GSPT1: variants seen among roughly 807,000 people sequenced by gnomAD.
The protein encoded by GSPT1 is G1 to S phase transition 1.
In GSPT1, 20 loss-of-function variants were observed where a neutral mutation model predicts 72.5. The ratio of observed to expected loss-of-function variants is 0.28; its 90% CI spans 0.19 to 0.40. GSPT1 has a LOEUF of 0.40. Among genes scored for constraint, GSPT1 ranks in the 10% least tolerant of loss-of-function variants. GSPT1 has a pLI of 1.00. For synonymous variants in GSPT1, 334 were observed against 293.5 expected, an observed-to-expected ratio of 1.14 and a Z score of -1.41; for missense variants, 580 against 811.9, an observed-to-expected ratio of 0.71 and a Z score of 3.47.
In GSPT1 at chr16:11,902,680, TG is replaced by T. The variant is rs138047601; in HGVS notation, c.353-4646del. Among the ~76,000 whole-genome samples the T allele has an allele frequency of 8.9e-3, 1,353 of 151,760 alleles. 17 individuals carry two copies. Among genetic ancestry groups the T allele is most frequent in the South Asian group, 0.024 (115 of 4,796 alleles). On this transcript the variant is annotated intron_variant, in intron 1 of 14. Transcript: ENST00000434724. ...TCGGCTCACTGCAACCTCCACCTCCTGGGTTCAAGCGATTCTCCTGCTTTAA... is the reference window on the plus strand; with the variant it reads ...TCGGCTCACTGCAACCTCCACCTCCTGGTTCAAGCGATTCTCCTGCTTTAA...
intron 1 of GSPT1, among the ~76,000 whole-genome samples, chr16:11,912,074 C>T (rs377722411): frequency 3.9e-5 from 3 of 76,822 alleles, no homozygotes; most frequent in Admixed American, 2.5e-4. Flanking sequence ...AGGCCAGGCG[C>T]GGTCACACCT....
chr16:11,881,685 C>G (rs1023371305), intron 11 of GSPT1: 1 of 49,820 alleles, frequency 2.0e-5, no homozygotes, highest in African/African-American at 5.6e-5. Flanking sequence ...GTAAAGGTCT[C>G]GTTCTGTTGC....
Position 11,915,871 on chromosome 16 carries a change from A to G in GSPT1, c.-151T>C. On this transcript the variant is annotated 5_prime_UTR_variant, in exon 1 of 15. Transcript: ENST00000434724. ...CAAAGATCCCCGGCGTCGCCGCGGC[A>G]GCAGCTCCAGTCCCGACTCCACACT... 8.5e-7 allele frequency: 1 copy of G among 1,180,694 alleles called. No homozygotes were observed. 73.1% of individuals were successfully genotyped at this position (1,180,694 alleles called of 1,614,324 possible).
At position 11,891,153 on chromosome 16, in the gene GSPT1, A is replaced by C. The variant is rs538819525; in HGVS notation, c.699-14T>G. On this transcript the variant is annotated splice_polypyrimidine_tract_variant and intron_variant, in intron 5 of 14. Coordinates refer to ENST00000434724, the MANE Select transcript of GSPT1 (RefSeq NM_002094.4). ...CCAGTCAAATACCTGAAAACATTTA[A>C]AGAAAAAAAAAAGTAAACAATTACT... 7.4e-7 allele frequency: 1 copy of C among 1,354,940 alleles called. No individual in the cohort carries two copies. The highest frequency in any genetic ancestry group is 1.4e-5 in the South Asian group (1 of 73,348). 83.9% of individuals were successfully genotyped at this position (1,354,940 alleles called of 1,614,324 possible). A position where few individuals can be genotyped will look rare whatever the true frequency, so the allele number is the denominator to read the frequency against.
chr16:11,892,040 G>A (rs1398522857), intron 5 of GSPT1, among the ~76,000 whole-genome samples: 1 of 152,000 alleles, frequency 6.6e-6, no homozygotes, highest in East Asian at 1.9e-4. Flanking sequence ...GATATTTACA[G>A]TCTCGAATTA....
intron 1 of GSPT1, among the ~76,000 whole-genome samples, chr16:11,912,025 G>T (rs1225341813): frequency 1.4e-5 from 2 of 139,776 alleles, no homozygotes; most frequent in Non-Finnish European, 3.0e-5. Context: ...TTTACAGTGT[G>T]TAAGTTAAAT....
Position 11,873,470 on chromosome 16 carries a change from C to T in GSPT1, c.1862-299G>A, listed in dbSNP as rs907111912. Among the ~76,000 whole-genome samples, 3 of 152,276 alleles carry T rather than the reference C, an allele frequency of 2.0e-5. 1 individual carries two copies. In the Middle Eastern group the frequency reaches 0.01, roughly 518 times the overall value. ...GAGATACAGATGCCTGCCACCACGC[C>T]CAGCTAATTTTTGTATTTTTAGTTG... On this transcript the variant is annotated intron_variant, in intron 14 of 14. Coordinates refer to ENST00000434724, the MANE Select transcript of GSPT1 (RefSeq NM_002094.4).
At chr16:11,914,628 G>A (rs142071793) in intron 1 of GSPT1, among the ~76,000 whole-genome samples, 2 of 152,188 alleles carry the variant, frequency 1.3e-5, no homozygotes, top group Non-Finnish European at 2.9e-5. Flanking sequence ...TTCTCTAAAC[G>A]TGTCGCTGAC....
chr16:11,893,132 A>G (rs1030583956), intron 5 of GSPT1, among the ~76,000 whole-genome samples: 9 of 150,452 alleles, frequency 6.0e-5, no homozygotes, highest in Non-Finnish European at 8.9e-5. Flanking sequence ...TGGTGGTGCA[A>G]GCGTGTAGTC....
chr16:11,892,635 T>C (rs1472859149), intron 5 of GSPT1, among the ~76,000 whole-genome samples: 1 of 150,804 alleles, frequency 6.6e-6, no homozygotes, highest in Non-Finnish European at 1.5e-5. Flanking sequence ...AAGACCAGCC[T>C]GACCAACATG....
Position 11,900,848 on chromosome 16 carries a change from CT to C in GSPT1, c.353-2814del, listed in dbSNP as rs1210789735. Reference sequence around the variant, plus strand: ...ATTAGATTTACAATACAGATGGCTCCTCAACTTACAATGGATTGTAAGTTGC... The same window carrying C: ...ATTAGATTTACAATACAGATGGCTCCCAACTTACAATGGATTGTAAGTTGC... On this transcript the variant is annotated intron_variant, in intron 1 of 14. Transcript: ENST00000434724. Among the ~76,000 whole-genome samples, 83 of 152,184 alleles carry C rather than the reference CT, an allele frequency of 5.5e-4. No individual in the cohort carries two copies. In the East Asian group the frequency reaches 0.012, roughly 22 times the overall value.
intron 1 of GSPT1, chr16:11,915,082 A>G: frequency 7.7e-7 from 1 of 1,291,496 alleles, no homozygotes; most frequent in Non-Finnish European, 1.0e-6. Context: ...TCCCATCTCA[A>G]GTGGGTAACT....
chr16:11,882,953 T>C lies in GSPT1; in HGVS notation c.1428+62A>G. ...GCCTCGGTGACAGAAGAAGACCCTATCTCTTAAAGAAAAAGAAAAAAAATC... is the reference window on the plus strand; with the variant it reads ...GCCTCGGTGACAGAAGAAGACCCTACCTCTTAAAGAAAAAGAAAAAAAATC... On this transcript the variant is annotated intron_variant, in intron 11 of 14. Coordinates refer to ENST00000434724, the MANE Select transcript of GSPT1 (RefSeq NM_002094.4). 1.9e-6 allele frequency: 2 copies of C among 1,027,536 alleles called. No individual in the cohort carries two copies. The highest frequency in any genetic ancestry group is 3.0e-6 in the Non-Finnish European group (2 of 656,926). 63.7% of individuals were successfully genotyped at this position (1,027,536 alleles called of 1,614,324 possible).
At position 11,870,585 on chromosome 16, in the gene GSPT1, G is replaced by A. The variant is rs1025559479; in HGVS notation, c.*2534C>T. 1 of 152,050 alleles carries A rather than the reference G, an allele frequency of 6.6e-6. No individual in the cohort carries two copies. The highest frequency in any genetic ancestry group is 2.4e-5 in the African/African-American group (1 of 41,366). 9.4% of individuals were successfully genotyped at this position (152,050 alleles called of 1,614,324 possible). On this transcript the variant is annotated 3_prime_UTR_variant, in exon 15 of 15. Coordinates refer to ENST00000434724, the MANE Select transcript of GSPT1 (RefSeq NM_002094.4). ...ATAGGAATTTGTATTGCTCTATAAC[G>A]GTCCAACATCTCCACATAATGCCAA...
At chr16:11,883,920 A>C (rs1033571501) in intron 10 of GSPT1, among the ~76,000 whole-genome samples, 1 of 152,122 alleles carries the variant, frequency 6.6e-6, no homozygotes, top group African/African-American at 2.4e-5. Flanking sequence ...TCAAAAAAAA[A>C]AAAAAAGGTG....
intron 4 of GSPT1, among the ~76,000 whole-genome samples, chr16:11,896,168 C>A (rs1477026491): frequency 6.6e-6 from 1 of 152,158 alleles, no homozygotes; most frequent in African/African-American, 2.4e-5. Context: ...TTATTGATTT[C>A]CTGCTTCACA....
At chr16:11,888,871 T>C (rs982459886) in intron 6 of GSPT1, among the ~76,000 whole-genome samples, 2 of 152,220 alleles carry the variant, frequency 1.3e-5, no homozygotes, top group Admixed American at 6.5e-5. Flanking sequence ...TTATGGCAAG[T>C]TGACTACACA....
intron 1 of GSPT1, among the ~76,000 whole-genome samples, chr16:11,899,617 G>A (rs1352284369): frequency 6.6e-6 from 1 of 152,138 alleles, no homozygotes; most frequent in East Asian, 1.9e-4. Flanking sequence ...AACCTGGTTT[G>A]GAAGGAGGCA....
At chr16:11,909,346 A>G (rs2054529040) in intron 1 of GSPT1, among the ~76,000 whole-genome samples, 1 of 152,242 alleles carries the variant, frequency 6.6e-6, no homozygotes, top group South Asian at 2.1e-4. Flanking sequence ...TACTGAAAAC[A>G]AGGCAGAAAC....
Sources: gnomAD v4.1 joint callset for allele counts (sites outside exome capture counted in the v4.1 genomes callset) on GRCh38, gnomAD v4.1.1 for gene constraint, MANE v1.5 for transcripts, NCBI Gene and HGNC (gene_info 2026-07-23, HGNC 2026-07-21) for gene names.